Variants in LRMDA observed in about 807,000 individuals in gnomAD.
LRMDA encodes leucine rich melanocyte differentiation associated, also known as leucine-rich melanocyte differentiation-associated protein.
A neutral mutation model predicts 29.8 loss-of-function variants in LRMDA; 18 were observed. That is an observed-to-expected ratio of 0.60 (90% CI 0.42 to 0.90). The LOEUF is 0.90. Among genes scored for constraint, LRMDA ranks in the 40% least tolerant of loss-of-function variants. The pLI is 0.00. For synonymous variants in LRMDA, 125 were observed against 109.4 expected (o/e 1.14, Z -0.89); for missense variants, 273 against 273.9 (o/e 1.00, Z 0.02).
At chr10:75,493,840 A>G (rs1845015820) in intron 2 of LRMDA, among the ~76,000 whole-genome samples, 1 of 151,882 alleles carries the variant, frequency 6.6e-6, no homozygotes, top group African/African-American at 2.4e-5. Flanking sequence ...ATTCCCCATC[A>G]TCTAATTAGG....
At chr10:76,392,357 G>T (rs1178408109) in intron 6 of LRMDA, among the ~76,000 whole-genome samples, 1 of 152,008 alleles carries the variant, frequency 6.6e-6, no homozygotes, top group African/African-American at 2.4e-5. Context: ...GTATATGTTT[G>T]TCATGTACAA....
rs187773360 is a variant in LRMDA at position 75,584,062 on chromosome 10, T to A, written c.131+145568T>A. On this transcript the variant is annotated intron_variant, in intron 2 of 6. Coordinates refer to ENST00000611255, the MANE Select transcript of LRMDA (RefSeq NM_001305581.2). ...GTGGTTCGCAAGGACCTGTGTGATC[T>A]GTTTTTCGCCTGTTCTTCCCTGCCC... 7.2e-5 allele frequency among the ~76,000 whole-genome samples: 11 copies of A among 152,316 alleles called. No individual in the cohort carries two copies. In the East Asian group the frequency reaches 1.9e-3, roughly 27 times the overall value.
At position 75,944,477 on chromosome 10, in the gene LRMDA, T is replaced by G. The variant is rs185972372; in HGVS notation, c.132-91531T>G. 7.2e-5 allele frequency among the ~76,000 whole-genome samples: 11 copies of G among 152,062 alleles called. No individual in the cohort carries two copies. In the East Asian group the frequency reaches 1.9e-3, roughly 27 times the overall value. On this transcript the variant is annotated intron_variant, in intron 2 of 6. Coordinates refer to ENST00000611255, the MANE Select transcript of LRMDA (RefSeq NM_001305581.2). ...CAAATTTGTGGGGGTTTTTTGCCAT[T>G]GATCTTCATATATATTTTTTTCTGC... is the stretch of plus-strand genomic sequence containing the variant.
At chr10:76,383,993 C>T (rs941486127) in intron 6 of LRMDA, among the ~76,000 whole-genome samples, 11 of 151,882 alleles carry the variant, frequency 7.2e-5, no homozygotes, top group Non-Finnish European at 1.3e-4. Flanking sequence ...TTTCTCTCTC[C>T]AGCCCTCTTT....
intron 2 of LRMDA, among the ~76,000 whole-genome samples, chr10:75,850,260 G>A (rs1844709824): frequency 6.6e-6 from 1 of 152,202 alleles, no homozygotes; most frequent in African/African-American, 2.4e-5. Flanking sequence ...ATTACATTTA[G>A]TCTGTAACCA....
rs1190105540 is a variant in LRMDA, at chr10:76,002,779, GT to G, written c.132-33222del. On this transcript the variant is annotated intron_variant, in intron 2 of 6. Transcript: ENST00000611255. ...GCAAGGAGGGGCTCCTACAAAAAAA[GT>G]TTTTTTCCTACATTTCTGGGAAGTC... Among the ~76,000 whole-genome samples, 7 of 152,166 alleles carry G rather than the reference GT, an allele frequency of 4.6e-5. No individual in the cohort carries two copies. In the East Asian group the frequency reaches 7.8e-4, roughly 17 times the overall value.
rs577869233 is a variant in LRMDA, at chr10:76,524,446, T to G, written c.602-32763T>G. Among the ~76,000 whole-genome samples the G allele has an allele frequency of 9.2e-5, 14 of 152,342 alleles. No individual in the cohort carries two copies. The South Asian group carries it at 2.9e-3, about 32-fold the overall frequency. On this transcript the variant is annotated intron_variant, in intron 6 of 6. Coordinates refer to ENST00000611255, the MANE Select transcript of LRMDA (RefSeq NM_001305581.2). ...GTAAAATGGTTTACTAGGAACAACTTTAATGGTTATTAGTGAAAACAAGTA... is the reference window on the plus strand; with the variant it reads ...GTAAAATGGTTTACTAGGAACAACTGTAATGGTTATTAGTGAAAACAAGTA...
chr10:76,088,164 A>C (rs375099098), intron 5 of LRMDA, among the ~76,000 whole-genome samples: 9 of 152,264 alleles, frequency 5.9e-5, no homozygotes, highest in African/African-American at 1.9e-4. Context: ...ACTATCCAAC[A>C]GTGGCACCTA....
rs1202601638 is a variant in LRMDA at position 76,500,819 on chromosome 10, A to G, written c.602-56390A>G. Among the ~76,000 whole-genome samples, 2 of 75,040 alleles carry G rather than the reference A, an allele frequency of 2.7e-5. 1 individual carries two copies. Among genetic ancestry groups the G allele is most frequent in the Non-Finnish European group, 8.9e-5 (2 of 22,552 alleles). 49.2% of individuals were successfully genotyped at this position (75,040 alleles called of 152,430 possible). A position where few individuals can be genotyped will look rare whatever the true frequency, so the allele number is the denominator to read the frequency against. ...TTATAAAAGAAATCAAGGAAAAGGT[A>G]TGCTTTACACACTATGCTTATTTTC... On this transcript the variant is annotated intron_variant, in intron 6 of 6. Transcript: ENST00000611255.
At chr10:75,492,769 C>A (rs142775808) in intron 2 of LRMDA, among the ~76,000 whole-genome samples, 195 of 152,276 alleles carry the variant, frequency 1.3e-3, no homozygotes, top group African/African-American at 4.3e-3. Flanking sequence ...TCTATAAATA[C>A]CAAAAATATT....
At chr10:76,388,199 T>C (rs1841683039) in intron 6 of LRMDA, among the ~76,000 whole-genome samples, 1 of 152,210 alleles carries the variant, frequency 6.6e-6, no homozygotes, top group African/African-American at 2.4e-5. Flanking sequence ...ATAATGATGA[T>C]GCCATAGAGA....
At chr10:76,244,411 T>G (rs1262050103) in intron 5 of LRMDA, among the ~76,000 whole-genome samples, 4 of 152,158 alleles carry the variant, frequency 2.6e-5, no homozygotes, top group Admixed American at 2.6e-4. Context: ...TGAAGAATGT[T>G]CCATTCTTCA....
intron 2 of LRMDA, among the ~76,000 whole-genome samples, chr10:75,844,491 C>T (rs948921744): frequency 7.9e-5 from 12 of 152,158 alleles, no homozygotes; most frequent in Admixed American, 1.3e-4. Flanking sequence ...TCTGAGATTC[C>T]AGCAGGCTGG....
At chr10:75,738,498 TTGTTTATAA>T (rs1219770326) in intron 2 of LRMDA, among the ~76,000 whole-genome samples, 3 of 152,196 alleles carry the variant, frequency 2.0e-5, no homozygotes, top group African/African-American at 7.2e-5. Context: ...AACAGACCAA[TTGTTTATAA>T]TGATCTCCCA....
At chr10:75,928,165 G>GT (rs1846151045) in intron 2 of LRMDA, among the ~76,000 whole-genome samples, 1 of 152,136 alleles carries the variant, frequency 6.6e-6, no homozygotes, top group Non-Finnish European at 1.5e-5. Context: ...AACTCTTGGG[G>GT]TGGGGGGTGA....
intron 6 of LRMDA, among the ~76,000 whole-genome samples, chr10:76,436,948 C>T (rs1842251130): frequency 6.6e-6 from 1 of 152,132 alleles, no homozygotes; most frequent in South Asian, 2.1e-4. Flanking sequence ...AGCTGCCAGT[C>T]CCTTCCCACT....
At chr10:76,091,853 T>C (rs892167337) in intron 5 of LRMDA, among the ~76,000 whole-genome samples, 2 of 126,402 alleles carry the variant, frequency 1.6e-5, no homozygotes, top group African/African-American at 5.9e-5. Flanking sequence ...ATCTGGGTGA[T>C]TTAAAAAAAA....
intron 2 of LRMDA, among the ~76,000 whole-genome samples, chr10:75,621,646 G>A (rs1841187905): frequency 1.3e-5 from 2 of 152,154 alleles, no homozygotes; most frequent in South Asian, 4.1e-4. Flanking sequence ...GGAGCAAGAG[G>A]GGGAGGCCTA....
At position 76,062,697 on chromosome 10, in the gene LRMDA, T is replaced by TG. The variant is rs71024583; in HGVS notation, c.516+3914_516+3915insG. Among the ~76,000 whole-genome samples, 338 of 149,012 alleles carry TG rather than the reference T, an allele frequency of 2.3e-3. 1 individual carries two copies. The highest frequency in any genetic ancestry group is 6.5e-3 in the African/African-American group (263 of 40,414). Reference sequence around the variant, plus strand: ...GTGTGTGTGTGTGTGTGTGTGTGTGTTATTAGTTGATGGACCTGCAACAGC... The same window carrying TG: ...GTGTGTGTGTGTGTGTGTGTGTGTGTGTATTAGTTGATGGACCTGCAACAGC... On this transcript the variant is annotated intron_variant, in intron 5 of 6. Coordinates refer to ENST00000611255, the MANE Select transcript of LRMDA (RefSeq NM_001305581.2).
Sources: gnomAD v4.1 joint callset for allele counts (sites outside exome capture counted in the v4.1 genomes callset) on GRCh38, gnomAD v4.1.1 for gene constraint, MANE v1.5 for transcripts, NCBI Gene and HGNC (gene_info 2026-07-23, HGNC 2026-07-21) for gene names.